The following CFAP69 variants were observed in gnomAD, a reference collection of about 807,000 sequenced individuals.
CFAP69 encodes cilia- and flagella-associated protein 69.
A neutral mutation model predicts 123.0 loss-of-function variants in CFAP69; 92 were observed. The observed-to-expected ratio is 0.75, with a 90% CI of 0.63 to 0.89. The LOEUF is 0.89. Among genes scored for constraint, CFAP69 ranks in the 40% least tolerant of loss-of-function variants. The pLI, the probability that CFAP69 is intolerant of heterozygous loss-of-function variation, is 0.00. For missense variants in CFAP69, 1,067 were observed against 1,096.9 expected, an observed-to-expected ratio of 0.97 and a Z score of 0.39; for synonymous variants, 380 against 364.3, an observed-to-expected ratio of 1.04 and a Z score of -0.49.
intron 15 of CFAP69, among the ~76,000 whole-genome samples, chr7:90,289,433 T>A (rs1790786748): frequency 6.6e-6 from 1 of 152,130 alleles, no homozygotes; most frequent in South Asian, 2.1e-4. Context: ...AAATAGCCTT[T>A]TTTTGTGTGA....
At chr7:90,278,365 T>A (rs1788912050) in intron 11 of CFAP69, among the ~76,000 whole-genome samples, 1 of 152,138 alleles carries the variant, frequency 6.6e-6, no homozygotes, top group Non-Finnish European at 1.5e-5. Context: ...CTTTAAGGAA[T>A]ATATATATTT....
intron 15 of CFAP69, among the ~76,000 whole-genome samples, chr7:90,289,011 T>C (rs934020150): frequency 6.6e-6 from 1 of 152,010 alleles, no homozygotes; most frequent in Non-Finnish European, 1.5e-5. Context: ...ATATTTTTAT[T>C]CTATAAGTTT....
intron 15 of CFAP69, among the ~76,000 whole-genome samples, chr7:90,291,986 A>G (rs899244238): frequency 5.9e-5 from 9 of 152,218 alleles, no homozygotes; most frequent in Admixed American, 3.9e-4. Context: ...ACAAACTTGA[A>G]AACAGCTGAT....
chr7:90,306,898 C>T lies in CFAP69; in HGVS notation c.2266-3C>T, dbSNP rs1462708862. ...TTAACTTTGTTAAACTTTGTTATAACAGATTGGAGAAATATGGAATGAAAT... is the reference window on the plus strand; with the variant it reads ...TTAACTTTGTTAAACTTTGTTATAATAGATTGGAGAAATATGGAATGAAAT... On this transcript the variant is annotated splice_polypyrimidine_tract_variant and splice_region_variant and intron_variant, in intron 19 of 22. Transcript: ENST00000389297. The T allele has an allele frequency of 2.7e-6, 4 of 1,470,784 alleles. No homozygotes were observed. In the Admixed American group the frequency reaches 7.5e-5, roughly 28 times the overall value. 91.1% of individuals were successfully genotyped at this position (1,470,784 alleles called of 1,614,324 possible).
intron 14 of CFAP69, among the ~76,000 whole-genome samples, chr7:90,287,157 T>G (rs1790421787): frequency 6.6e-6 from 1 of 152,142 alleles, no homozygotes; most frequent in South Asian, 2.1e-4. Flanking sequence ...TTCTTTTTAT[T>G]GCTAAATAGT....
At chr7:90,312,115 G>A (rs887297328), downstream of CFAP69, among the ~76,000 whole-genome samples, 11 of 152,102 alleles carry the variant, frequency 7.2e-5, no homozygotes, top group Admixed American at 1.3e-4. Context: ...TAGTATCTCC[G>A]GAAATAAATT....
At chr7:90,274,929 A>G (rs1240389566) in intron 9 of CFAP69, among the ~76,000 whole-genome samples, 1 of 151,874 alleles carries the variant, frequency 6.6e-6, no homozygotes, top group Non-Finnish European at 1.5e-5. Flanking sequence ...CTCTCTCCCC[A>G]CTTCTTCAGA....
the CFAP69 span, among the ~76,000 whole-genome samples, chr7:90,323,136 T>C: frequency 6.6e-6 from 1 of 152,226 alleles, no homozygotes; most frequent in Admixed American, 6.5e-5. Flanking sequence ...ATTATCTGTT[T>C]AATCTGAAAG....
chr7:90,251,324 G>A (rs1796980645), intron 1 of CFAP69, among the ~76,000 whole-genome samples: 1 of 152,130 alleles, frequency 6.6e-6, no homozygotes, highest in Admixed American at 6.5e-5. Context: ...AAAGCTAGAG[G>A]TGGACTAGCT....
intron 1 of CFAP69, among the ~76,000 whole-genome samples, chr7:90,250,074 T>C (rs1796779474): frequency 6.6e-6 from 1 of 152,128 alleles, no homozygotes; most frequent in Admixed American, 6.6e-5. Flanking sequence ...TGTAGTTGGC[T>C]GCATGTGTCT....
intron 6 of CFAP69, chr7:90,270,156 A>G (rs1283708902): frequency 1.3e-5 from 2 of 152,196 alleles, no homozygotes; most frequent in Admixed American, 1.3e-4. Flanking sequence ...AAAAGTCCTC[A>G]GTATGGCAGT....
chr7:90,284,000 G>A (rs574342637), intron 13 of CFAP69, among the ~76,000 whole-genome samples: 4 of 152,204 alleles, frequency 2.6e-5, no homozygotes, highest in African/African-American at 9.6e-5. Flanking sequence ...AAACCTGAAA[G>A]TACAGTTTAT....
the CFAP69 span, chr7:90,319,663 T>G: frequency 5.0e-6 from 2 of 398,582 alleles, no homozygotes; most frequent in Non-Finnish European, 8.8e-6. Context: ...CACTCCTTTT[T>G]GAAACTCAAA....
chr7:90,247,400 A>G (rs980541955), intron 1 of CFAP69, among the ~76,000 whole-genome samples: 1 of 152,222 alleles, frequency 6.6e-6, no homozygotes, highest in Admixed American at 6.5e-5. Flanking sequence ...CTGAGACAGT[A>G]TATCCTAGTG....
chr7:90,273,800 C>G (rs1800335194), intron 8 of CFAP69, among the ~76,000 whole-genome samples, 187 bp from the exon 9 acceptor site: 1 of 152,036 alleles, frequency 6.6e-6, no homozygotes, highest in Non-Finnish European at 1.5e-5. Context: ...GGAAAGAGAG[C>G]AAGACAGCTC....
intron 20 of CFAP69, 71 bp downstream of exon 20, chr7:90,307,169 T>C (rs1793730756): frequency 1.9e-6 from 2 of 1,062,568 alleles, no homozygotes; most frequent in African/African-American, 1.6e-5. Context: ...TACAGTTAGA[T>C]AGAATAAGTT....
intron 17 of CFAP69, chr7:90,303,589 G>GT: frequency 6.3e-6 from 6 of 952,668 alleles, no homozygotes; most frequent in Non-Finnish European, 7.5e-6. Context: ...TCATAAAATA[G>GT]TTTTTATATT....
intron 1 of CFAP69, chr7:90,252,052 A>C (rs1252960749): frequency 6.6e-6 from 1 of 151,908 alleles, no homozygotes; most frequent in East Asian, 1.9e-4. Context: ...ATTTCATTCC[A>C]ATATCCTTGT....
At chr7:90,247,014 T>C (rs1796415285) in intron 1 of CFAP69, among the ~76,000 whole-genome samples, 1 of 152,202 alleles carries the variant, frequency 6.6e-6, no homozygotes, top group Non-Finnish European at 1.5e-5. Flanking sequence ...TCAATTTGCA[T>C]TAATTCATGT....
Sources: allele counts gnomAD v4.1 joint callset (sites outside exome capture counted in the v4.1 genomes callset), GRCh38; gene constraint gnomAD v4.1.1; transcripts MANE v1.5; gene names NCBI Gene and HGNC (gene_info 2026-07-23, HGNC 2026-07-21).